The following NEB variants were observed in gnomAD, a reference collection of about 807,000 sequenced individuals.
NEB encodes nebulin.
Under a neutral mutation model 952.2 loss-of-function variants are expected in NEB, and 512 were observed. That is an observed-to-expected ratio of 0.54 (90% CI 0.50 to 0.58). NEB has a LOEUF of 0.58. Ranked by LOEUF, NEB falls within the 20% of genes least tolerant of loss-of-function variation. NEB has a pLI of 0.00. For synonymous variants in NEB, 2,900 were observed against 3,149.8 expected, an observed-to-expected ratio of 0.92 and a Z score of 2.66; for missense variants, 8,428 against 9,231.1, an observed-to-expected ratio of 0.91 and a Z score of 3.56.
Position 151,535,741 on chromosome 2 carries a change from C to T in NEB, c.21262G>A (p.Asp7088Asn), listed in dbSNP as rs182252292. Residue 7088 changes from aspartate to asparagine, a missense_variant, in exon 142 of 182, where the codon GAC (aspartate) becomes AAC (asparagine). By Grantham distance (23) the Asp-to-Asn change is conservative (BLOSUM62 1). Transcript: ENST00000397345. ...RTKSDFKYVA[D>N]SPINRHFKYA... ...TTGAAATGCCTATTGATCGGAGAGT[C>T]GGCAACATACTTGAAATCTGACTTT... 8.0e-5 allele frequency: 129 copies of T among 1,609,186 alleles called. No homozygotes were observed. The highest frequency in any genetic ancestry group is 1.8e-4 in the East Asian group (8 of 44,758).
intron 39 of NEB, among the ~76,000 whole-genome samples, chr2:151,668,307 G>A (rs187734567): frequency 6.6e-6 from 1 of 152,182 alleles, no homozygotes. Flanking sequence ...AGGAAGATAT[G>A]AATACTAAAA....
intron 29 of NEB, 31 bp downstream of exon 29, chr2:151,682,631 A>G (rs1479160771): frequency 3.3e-6 from 5 of 1,531,376 alleles, no homozygotes; most frequent in South Asian, 1.1e-5. Context: ...CACAGTCACC[A>G]CTCTCCCTCT....
At chr2:151,518,509 G>T in intron 155 of NEB, 87 bp from the exon 156 acceptor site, 1 of 805,486 alleles carries the variant, frequency 1.2e-6, no homozygotes. Context: ...CGTTTACACA[G>T]CACCATTGTC....
At chr2:151,572,139 T>C (rs1441805990) in intron 107 of NEB, among the ~76,000 whole-genome samples, 3 of 152,168 alleles carry the variant, frequency 2.0e-5, no homozygotes, top group Non-Finnish European at 4.4e-5. Context: ...CTAGCCAACA[T>C]GGTGAAACCT....
At position 151,554,915 on chromosome 2, in the gene NEB, G is replaced by T. The variant is rs1022784479; in HGVS notation, c.19428+16C>A. Reference sequence around the variant, plus strand: ...GAATGTATCCTAGTCATTAAGGGGCGCATGACCGTACTTACATCGATGTTA... The same window carrying T: ...GAATGTATCCTAGTCATTAAGGGGCTCATGACCGTACTTACATCGATGTTA... On this transcript the variant is annotated intron_variant, in intron 125 of 181. Coordinates refer to ENST00000397345, the MANE Select transcript of NEB (RefSeq NM_001164508.2). 7.8e-6 allele frequency: 12 copies of T among 1,538,404 alleles called. No individual in the cohort carries two copies. The African/African-American group carries it at 1.2e-4, about 16-fold the overall frequency.
At position 151,572,522 on chromosome 2, in the gene NEB, A is replaced by AT. The variant is rs1560090489; in HGVS notation, c.17014-1922_17014-1921insA. On this transcript the variant is annotated intron_variant, in intron 107 of 181. Transcript: ENST00000397345. The stretch of plus-strand genomic sequence containing the variant: ...TATTGAATATTTATATATATATATA[A>AT]AATATATATATAAAAGTATATATAT... 4.3e-4 allele frequency among the ~76,000 whole-genome samples: 62 copies of AT among 142,676 alleles called. 1 individual carries two copies. In the South Asian group the frequency reaches 9.7e-3, roughly 22 times the overall value. The allele number at this position is 142,676 out of a possible 152,430, so 93.6% of individuals were successfully genotyped here.
intron 113 of NEB, 65 bp downstream of exon 113, chr2:151,568,006 A>G (rs567412477): frequency 1.5e-5 from 19 of 1,261,358 alleles, no homozygotes; most frequent in African/African-American, 1.5e-4. Flanking sequence ...TGCCTTTGGC[A>G]TAACTGGAAT....
chr2:151,508,837 A>C (rs893838109), intron 161 of NEB, among the ~76,000 whole-genome samples: 18 of 152,258 alleles, frequency 1.2e-4, no homozygotes, highest in African/African-American at 3.9e-4. Flanking sequence ...GTGTCCATAT[A>C]GAGGCTGCTC....
intron 153 of NEB, among the ~76,000 whole-genome samples, chr2:151,522,498 G>A (rs1006104102): frequency 6.6e-6 from 1 of 152,206 alleles, no homozygotes; most frequent in Non-Finnish European, 1.5e-5. Context: ...GTCCATCTCT[G>A]AGTCTAGTCT....
In NEB at chr2:151,667,724, T is replaced by A. The variant is rs1315535725; in HGVS notation, c.4719+80A>T. 12 of 1,035,584 alleles carry A rather than the reference T, an allele frequency of 1.2e-5. No homozygotes were observed. In the East Asian group the frequency reaches 2.7e-4, roughly 24 times the overall value. 64.1% of individuals were successfully genotyped at this position (1,035,584 alleles called of 1,614,324 possible). ...TTTTTTTATTTCTGTAGAGACAGGG[T>A]CTTGCTATGTTGCCCAGGCTGGTCT... On this transcript the variant is annotated intron_variant, in intron 40 of 181. Coordinates refer to ENST00000397345, the MANE Select transcript of NEB (RefSeq NM_001164508.2).
At chr2:151,679,283 A>G (rs1004082500) in intron 32 of NEB, among the ~76,000 whole-genome samples, 8 of 152,242 alleles carry the variant, frequency 5.3e-5, no homozygotes, top group African/African-American at 1.9e-4. Flanking sequence ...AAGACTGGCT[A>G]TTACAGGTGG....
At chr2:151,723,307 C>A (rs2099780147) in intron 9 of NEB, 75 bp downstream of exon 9, 4 of 957,946 alleles carry the variant, frequency 4.2e-6, no homozygotes, top group African/African-American at 3.3e-5. Context: ...GTTGCAGTGA[C>A]CATCTGGCCA....
At chr2:151,507,951 C>G (rs186119200) in intron 162 of NEB, 54 bp downstream of exon 162, 1 of 1,311,650 alleles carries the variant, frequency 7.6e-7, no homozygotes, top group African/African-American at 1.5e-5. Flanking sequence ...GAGGCATCTT[C>G]CTCAGCACCC....
At chr2:151,708,131 C>T (rs2099724005) in intron 12 of NEB, among the ~76,000 whole-genome samples, 1 of 152,182 alleles carries the variant, frequency 6.6e-6, no homozygotes, top group African/African-American at 2.4e-5. Context: ...GATATCACTC[C>T]AGACATTCTT....
intron 167 of NEB, 64 bp from the exon 168 acceptor site, chr2:151,501,547 TA>T (rs1013651230): frequency 6.8e-6 from 6 of 877,598 alleles, no homozygotes; most frequent in Non-Finnish European, 9.7e-6. Flanking sequence ...AGACTTAACC[TA>T]AAAAAACAGC....
At chr2:151,671,317 G>A (rs1217549436) in intron 37 of NEB, 88 bp from the exon 38 acceptor site, 1 of 1,049,560 alleles carries the variant, frequency 9.5e-7, no homozygotes, top group African/African-American at 1.6e-5. Flanking sequence ...CAAGGGAAAT[G>A]AATAGCAACT....
Position 151,650,288 on chromosome 2 carries a change from T to A in NEB, c.7319A>T (p.Glu2440Val). Residue 2440 changes from glutamate to valine, a missense_variant, in exon 54 of 182, where the codon GAA becomes GTA. Transcript: ENST00000397345. ...LEAEKNKRAS[E>V]IISEKKYRQP... ...ACGATATTTCTTCTCACTGATGATT[T>A]CCGAAGCCCGCTTGTTCTTTTCTGC... 1.2e-6 allele frequency: 2 copies of A among 1,613,908 alleles called. No homozygotes were observed. Among genetic ancestry groups the A allele is most frequent in the Non-Finnish European group, 1.7e-6 (2 of 1,179,850 alleles).
chr2:151,652,938 C>A (rs1197518602), intron 52 of NEB, among the ~76,000 whole-genome samples: 3 of 152,130 alleles, frequency 2.0e-5, no homozygotes, highest in Non-Finnish European at 4.4e-5. Context: ...TTAGGCTTAT[C>A]ACCTCATTGA....
chr2:151,723,320 A>C, intron 9 of NEB, 62 bp downstream of exon 9: 2 of 1,181,664 alleles, frequency 1.7e-6, no homozygotes, highest in Non-Finnish European at 1.2e-6. Flanking sequence ...TCTGGCCAGA[A>C]TATGTAATTC....
Sources: gnomAD v4.1 joint callset for allele counts (sites outside exome capture counted in the v4.1 genomes callset) on GRCh38, gnomAD v4.1.1 for gene constraint, MANE v1.5 for transcripts, NCBI Gene and HGNC (gene_info 2026-07-23, HGNC 2026-07-21) for gene names.